Variants in DNAH3 observed in about 807,000 individuals in gnomAD.
DNAH3 encodes the protein dynein axonemal heavy chain 3.
DNAH3 carries 332 observed loss-of-function variants against 432.5 expected under a neutral mutation model. That is an observed-to-expected ratio of 0.77 (90% confidence interval 0.70 to 0.84). DNAH3 has a LOEUF of 0.84. Ranked by LOEUF, DNAH3 falls within the 40% of genes least tolerant of loss-of-function variation. The pLI is 0.00. For synonymous variants in DNAH3, 1,956 were observed against 1,900.2 expected (o/e 1.03, Z -0.76); for missense variants, 4,861 against 5,114.0 (o/e 0.95, Z 1.51).
chr16:20,944,276 T>C (rs78079472), intron 58 of DNAH3, among the ~76,000 whole-genome samples: 3,981 of 152,216 alleles, frequency 0.026, 102 homozygotes, highest in East Asian at 0.068. Flanking sequence ...AACATGAAGG[T>C]TATACAGGAA....
At chr16:21,138,798 A>G (rs1261734777) in intron 5 of DNAH3, among the ~76,000 whole-genome samples, 1 of 135,876 alleles carries the variant, frequency 7.4e-6, no homozygotes, top group Non-Finnish European at 1.6e-5. Flanking sequence ...TAACAGAGCA[A>G]GACTCCCTCT....
chr16:21,025,848 C>A (rs1480029928), intron 38 of DNAH3, among the ~76,000 whole-genome samples: 1 of 152,118 alleles, frequency 6.6e-6, no homozygotes, highest in Admixed American at 6.6e-5. Context: ...ATTCTCCTGC[C>A]TCAGCCTCCC....
In DNAH3 at chr16:21,107,538, C is replaced by G. The variant is rs186597811; in HGVS notation, c.2100-864G>C. Among the ~76,000 whole-genome samples, 12 of 152,206 alleles carry G rather than the reference C, an allele frequency of 7.9e-5. No individual in the cohort carries two copies. The East Asian group carries it at 9.6e-4, about 12-fold the overall frequency. The stretch of plus-strand genomic sequence containing the variant: ...TACAGGCATGAGCCACCGCACCCAG[C>G]CTTAATCATTGCTTTTAACAGAACA... On this transcript the variant is annotated intron_variant, in intron 14 of 61. Transcript: ENST00000261383.
intron 50 of DNAH3, 118 bp from the exon 51 acceptor site, chr16:20,975,533 G>C (rs2085547921): frequency 1.0e-6 from 1 of 981,254 alleles, no homozygotes; most frequent in Non-Finnish European, 1.5e-6. Flanking sequence ...TAATGATTTT[G>C]ACATGGTCCT....
chr16:21,063,398 C>T (rs1338644906), intron 24 of DNAH3, among the ~76,000 whole-genome samples: 10 of 151,990 alleles, frequency 6.6e-5, no homozygotes, highest in Admixed American at 4.6e-4. Context: ...ATTGTATAGG[C>T]ATGATACAAG....
intron 28 of DNAH3, among the ~76,000 whole-genome samples, chr16:21,052,297 A>G (rs1300753325): frequency 6.6e-6 from 1 of 152,110 alleles, no homozygotes; most frequent in Non-Finnish European, 1.5e-5. Context: ...CAGCCCAAAC[A>G]ATTTTAGATT....
At chr16:20,971,328 A>G (rs1201853053) in intron 51 of DNAH3, among the ~76,000 whole-genome samples, 1 of 152,144 alleles carries the variant, frequency 6.6e-6, no homozygotes, top group Admixed American at 6.6e-5. Context: ...TTGCATTCCT[A>G]CTGTGCATTC....
chr16:20,978,824 C>T (rs149619260), intron 50 of DNAH3, among the ~76,000 whole-genome samples: 90 of 152,188 alleles, frequency 5.9e-4, no homozygotes, highest in Admixed American at 1.8e-3. Flanking sequence ...GGATTACAGA[C>T]GTGAGCCACT....
chr16:21,096,109 A>G (rs2091670556), intron 18 of DNAH3, among the ~76,000 whole-genome samples: 1 of 150,964 alleles, frequency 6.6e-6, no homozygotes, highest in African/African-American at 2.4e-5. Flanking sequence ...GAAACTTGCT[A>G]AAGGCTCAAA....
chr16:21,155,041 C>A (rs776927889), intron 1 of DNAH3, among the ~76,000 whole-genome samples: 1 of 151,602 alleles, frequency 6.6e-6, no homozygotes, highest in Non-Finnish European at 1.5e-5. Flanking sequence ...CCTCCACCTC[C>A]TGGGTTCAAG....
At chr16:20,960,460 C>T (rs1254009874) in intron 53 of DNAH3, among the ~76,000 whole-genome samples, 7 of 152,092 alleles carry the variant, frequency 4.6e-5, no homozygotes, top group Non-Finnish European at 8.8e-5. Context: ...CCGAGACGAG[C>T]GGATCACTTG....
Position 21,053,825 on chromosome 16 carries a change from TTCC to T in DNAH3, c.4039+592_4039+594del, listed in dbSNP as rs369644795. ...TTGTTTTATATAAAGACCCCAGTTT[TTCC>T]TCCTCCTCCTCCTCCTCCTCTTCCT... On this transcript the variant is annotated intron_variant, in intron 28 of 61. Coordinates refer to ENST00000261383, the Ensembl canonical transcript of DNAH3. Among the ~76,000 whole-genome samples the T allele has an allele frequency of 5.2e-3, 785 of 151,272 alleles. 9 individuals are homozygous for T. Among genetic ancestry groups the T allele is most frequent in the African/African-American group, 0.017 (688 of 41,234 alleles).
At chr16:21,113,447 G>A (rs924022162) in intron 12 of DNAH3, among the ~76,000 whole-genome samples, 4 of 146,142 alleles carry the variant, frequency 2.7e-5, no homozygotes, top group African/African-American at 7.7e-5. Flanking sequence ...AACCATCACA[G>A]TTGTCTTTAA....
intron 41 of DNAH3, 144 bp downstream of exon 41, chr16:21,019,480 G>T: frequency 1.1e-6 from 1 of 914,740 alleles, no homozygotes. Flanking sequence ...TTTTAATTCT[G>T]TAATTCCTTA....
At chr16:21,072,814 AATTATTATT>A (rs10592697) in intron 21 of DNAH3, among the ~76,000 whole-genome samples, 29 of 146,408 alleles carry the variant, frequency 2.0e-4, no homozygotes, top group Non-Finnish European at 3.3e-4. Flanking sequence ...ATACTCAGCT[AATTATTATT>A]ATTATTATTA....
chr16:21,029,235 A>T (rs1567664435), intron 37 of DNAH3, among the ~76,000 whole-genome samples: 1 of 152,246 alleles, frequency 6.6e-6, no homozygotes, highest in Non-Finnish European at 1.5e-5. Flanking sequence ...AAAATTATGC[A>T]CATGCTATAA....
chr16:21,128,023 A>G (rs2092477672), intron 7 of DNAH3, among the ~76,000 whole-genome samples: 1 of 152,014 alleles, frequency 6.6e-6, no homozygotes, highest in Non-Finnish European at 1.5e-5. Context: ...GAGGAGACAA[A>G]TGAGGTGACC....
chr16:20,943,877 G>T, intron 58 of DNAH3, among the ~76,000 whole-genome samples: 1 of 152,126 alleles, frequency 6.6e-6, no homozygotes, highest in Middle Eastern at 3.4e-3. Context: ...CCAGCTACTC[G>T]GGAGGCTGAG....
At chr16:20,963,516 A>G in exon 53 of DNAH3, 1 of 1,613,990 alleles carries the variant, frequency 6.2e-7, no homozygotes, top group East Asian at 2.2e-5. Context: ...GTTGCTCCTC[A>G]TGGGGCCAGG....
Sources: allele counts gnomAD v4.1 joint callset (sites outside exome capture counted in the v4.1 genomes callset), GRCh38; gene constraint gnomAD v4.1.1; transcripts MANE v1.5; gene names NCBI Gene and HGNC (gene_info 2026-07-23, HGNC 2026-07-21).